Variants in CREB5 observed in about 807,000 individuals in gnomAD.
CREB5 encodes cAMP responsive element binding protein 5, also known as cyclic AMP-responsive element-binding protein 5.
Under a neutral mutation model 57.1 loss-of-function variants are expected in CREB5, and 19 were observed. The observed-to-expected ratio is 0.33, with a 90% confidence interval of 0.23 to 0.49. The LOEUF is 0.49. CREB5 is among the 20% of genes least tolerant of loss of function. CREB5 has a pLI of 0.99. For missense variants in CREB5, 579 were observed against 671.6 expected, an observed-to-expected ratio of 0.86 and a Z score of 1.52; for synonymous variants, 238 against 238.3, an observed-to-expected ratio of 1.00 and a Z score of 0.01.
At chr7:28,320,708 T>C (rs1375308584) in intron 1 of CREB5, among the ~76,000 whole-genome samples, 1 of 152,214 alleles carries the variant, frequency 6.6e-6, no homozygotes, top group Non-Finnish European at 1.5e-5. Flanking sequence ...AAAGACAGCA[T>C]TTTAAATATT....
chr7:28,597,141 C>T (rs1562519156), intron 5 of CREB5, among the ~76,000 whole-genome samples: 1 of 152,204 alleles, frequency 6.6e-6, no homozygotes, highest in Non-Finnish European at 1.5e-5. Flanking sequence ...ATAAGCAGTG[C>T]AGTTCTTTTC....
intron 1 of CREB5, among the ~76,000 whole-genome samples, chr7:28,475,804 G>A (rs558735475): frequency 1.3e-5 from 2 of 152,230 alleles, no homozygotes; most frequent in East Asian, 3.9e-4. Context: ...TGCCAGCAAA[G>A]CACTTTACTT....
At chr7:28,691,939 C>T (rs972726930) in intron 5 of CREB5, among the ~76,000 whole-genome samples, 4 of 147,566 alleles carry the variant, frequency 2.7e-5, no homozygotes, top group Admixed American at 6.9e-5. Context: ...GAGGCCGAGG[C>T]GAGTGGATTG....
chr7:28,753,005 G>T (rs371525230), intron 7 of CREB5, among the ~76,000 whole-genome samples: 1 of 151,806 alleles, frequency 6.6e-6, no homozygotes, highest in Non-Finnish European at 1.5e-5. Context: ...AAGTAGATGG[G>T]CTAAGAGGAT....
chr7:28,683,823 A>G (rs1800719449), intron 5 of CREB5, among the ~76,000 whole-genome samples: 1 of 152,194 alleles, frequency 6.6e-6, no homozygotes, highest in East Asian at 1.9e-4. Flanking sequence ...GAAGCCTGGT[A>G]TCTAGTGGAT....
intron 4 of CREB5, among the ~76,000 whole-genome samples, chr7:28,528,782 AAAG>A (rs1793581821): frequency 6.7e-6 from 1 of 148,598 alleles, no homozygotes; most frequent in East Asian, 2.0e-4. Context: ...TAAAAAAAAA[AAAG>A]GCTTGCCAAT....
chr7:28,565,475 T>C (rs554674560), intron 4 of CREB5, among the ~76,000 whole-genome samples: 1 of 152,342 alleles, frequency 6.6e-6, no homozygotes, highest in Admixed American at 6.5e-5. Context: ...AGTTTTACTC[T>C]TTTTCTCATC....
chr7:28,454,677 C>T (rs177572), intron 1 of CREB5, among the ~76,000 whole-genome samples: 75,355 of 151,972 alleles, frequency 0.5, 19,440 homozygotes, highest in East Asian at 0.66. Context: ...GATATTGGAG[C>T]TAAGGCCAGT....
At chr7:28,799,523 T>A (rs1046588351) in intron 7 of CREB5, among the ~76,000 whole-genome samples, 1 of 152,222 alleles carries the variant, frequency 6.6e-6, no homozygotes, top group Non-Finnish European at 1.5e-5. Flanking sequence ...GTAATTTCCC[T>A]TAACAGTATA....
At chr7:28,796,298 T>A (rs1057333857) in intron 7 of CREB5, among the ~76,000 whole-genome samples, 1 of 152,252 alleles carries the variant, frequency 6.6e-6, no homozygotes, top group South Asian at 2.1e-4. Flanking sequence ...TGACCTTTTG[T>A]GTCTGGCTTG....
intron 1 of CREB5, among the ~76,000 whole-genome samples, chr7:28,374,034 T>C (rs1007484932): frequency 2.0e-5 from 3 of 152,148 alleles, no homozygotes; most frequent in Non-Finnish European, 4.4e-5. Flanking sequence ...GTCAGCCTTT[T>C]TTCTTAAAAG....
At chr7:28,672,184 A>ACACACACACACACAC (rs1439926301) in intron 5 of CREB5, among the ~76,000 whole-genome samples, 1 of 139,132 alleles carries the variant, frequency 7.2e-6, no homozygotes, top group South Asian at 2.2e-4. Flanking sequence ...GGAAAAAAAA[A>ACACACACACACACAC]AAAAACACAC....
At chr7:28,329,246 A>T (rs537491558) in intron 1 of CREB5, among the ~76,000 whole-genome samples, 4 of 152,334 alleles carry the variant, frequency 2.6e-5, no homozygotes, top group African/African-American at 9.6e-5. Flanking sequence ...CTACGAGCTG[A>T]AATCACTGGG....
chr7:28,525,981 A>T lies in CREB5; in HGVS notation c.291+18244A>T, dbSNP rs539147343. Among the ~76,000 whole-genome samples the T allele has an allele frequency of 7.2e-5, 11 of 152,300 alleles. No individual in the cohort carries two copies. The South Asian group carries it at 2.3e-3, about 32-fold the overall frequency. ...TTCTAATTCTCTTTCCCTTCACTGG[A>T]TGTATATCCAAGAATCAGAGACTGC... On this transcript the variant is annotated intron_variant, in intron 4 of 10. Transcript: ENST00000357727.
At chr7:28,545,824 G>T (rs1273754548) in intron 4 of CREB5, among the ~76,000 whole-genome samples, 1 of 152,072 alleles carries the variant, frequency 6.6e-6, no homozygotes, top group Non-Finnish European at 1.5e-5. Flanking sequence ...ATAGCTGTGT[G>T]TGTGTGAAGT....
chr7:28,707,286 G>A (rs1802161083), intron 5 of CREB5, among the ~76,000 whole-genome samples: 1 of 152,170 alleles, frequency 6.6e-6, no homozygotes, highest in Non-Finnish European at 1.5e-5. Flanking sequence ...AATAGATTAT[G>A]CATTGATCGT....
In CREB5 at chr7:28,572,694, C is replaced by G. The variant is rs528278964; in HGVS notation, c.464+2157C>G. Among the ~76,000 whole-genome samples, 274 of 152,188 alleles carry G rather than the reference C, an allele frequency of 1.8e-3. 2 individuals are homozygous for G. The highest frequency in any genetic ancestry group is 3.2e-3 in the Non-Finnish European group (217 of 68,018). ...ACAAAGCTGGTCTTTATGAAACAGT[C>G]TTTTGAGGGCTAGCAATAAAGTTTA... is the stretch of plus-strand genomic sequence containing the variant. On this transcript the variant is annotated intron_variant, in intron 5 of 10. Coordinates refer to ENST00000357727, the MANE Select transcript of CREB5 (RefSeq NM_182898.4).
chr7:28,425,192 A>T (rs1373272118), intron 1 of CREB5, among the ~76,000 whole-genome samples: 1 of 152,162 alleles, frequency 6.6e-6, no homozygotes, highest in Non-Finnish European at 1.5e-5. Context: ...TGTGGAAATA[A>T]CTCAAAGCCC....
chr7:28,786,331 C>T (rs922913510), intron 7 of CREB5, among the ~76,000 whole-genome samples: 1 of 152,136 alleles, frequency 6.6e-6, no homozygotes, highest in African/African-American at 2.4e-5. Context: ...ACTGCAACCT[C>T]CGCCCCCTAG....
Sources: gnomAD v4.1 joint callset for allele counts (sites outside exome capture counted in the v4.1 genomes callset) on GRCh38, gnomAD v4.1.1 for gene constraint, MANE v1.5 for transcripts, NCBI Gene and HGNC (gene_info 2026-07-23, HGNC 2026-07-21) for gene names.